The following PPM1L variants were observed in gnomAD, a reference collection of about 807,000 sequenced individuals.
The protein encoded by PPM1L is protein phosphatase 1L.
In PPM1L, 13 loss-of-function variants were observed where a neutral mutation model predicts 31.4. The ratio of observed to expected loss-of-function variants is 0.41; its 90% CI spans 0.27 to 0.66. The LOEUF is 0.66. Ranked by LOEUF, PPM1L falls within the 30% of genes least tolerant of loss-of-function variation. The pLI is 0.29. For missense variants in PPM1L, 326 were observed against 453.7 expected, an observed-to-expected ratio of 0.72 and a Z score of 2.56; for synonymous variants, 184 against 175.4, an observed-to-expected ratio of 1.05 and a Z score of -0.39.
At chr3:160,799,575 G>C (rs540174217) in intron 1 of PPM1L, among the ~76,000 whole-genome samples, 1 of 152,180 alleles carries the variant, frequency 6.6e-6, no homozygotes, top group Non-Finnish European at 1.5e-5. Context: ...AACCAAGTTT[G>C]TGTGACTCTC....
intron 3 of PPM1L, 150 bp from the exon 4 acceptor site, chr3:161,068,661 T>C: frequency 1.6e-6 from 1 of 630,094 alleles, no homozygotes; most frequent in Non-Finnish European, 2.8e-6. Flanking sequence ...CCCCAGGCCA[T>C]GCAGTGGGTC....
intron 1 of PPM1L, among the ~76,000 whole-genome samples, chr3:160,926,847 A>G (rs2108075974): frequency 6.6e-6 from 1 of 152,324 alleles, no homozygotes; most frequent in Middle Eastern, 3.4e-3. Context: ...TGCTTGGGTT[A>G]TTGGATATGT....
At chr3:160,844,230 A>G (rs6766368) in intron 1 of PPM1L, among the ~76,000 whole-genome samples, 11,979 of 152,246 alleles carry the variant, frequency 0.079, 854 homozygotes, top group African/African-American at 0.18. Context: ...CTCTGGTCTA[A>G]TACTTACAGT....
chr3:160,832,743 C>T (rs997393049), intron 1 of PPM1L, among the ~76,000 whole-genome samples: 5 of 152,022 alleles, frequency 3.3e-5, no homozygotes, highest in African/African-American at 9.7e-5. Context: ...TTACTTTTTA[C>T]CAGTATTTTA....
intron 2 of PPM1L, among the ~76,000 whole-genome samples, chr3:161,007,145 A>G (rs7627500): frequency 0.047 from 7,105 of 152,296 alleles, 420 homozygotes; most frequent in African/African-American, 0.12. Context: ...CCTACACTCA[A>G]CGACCTATAT....
intron 1 of PPM1L, among the ~76,000 whole-genome samples, chr3:160,773,044 C>A (rs1711500096): frequency 6.6e-6 from 1 of 152,136 alleles, no homozygotes; most frequent in South Asian, 2.1e-4. Flanking sequence ...CATATGCTTT[C>A]ATTTCTCTTG....
chr3:160,774,074 T>C (rs935070497), intron 1 of PPM1L, among the ~76,000 whole-genome samples: 2 of 152,204 alleles, frequency 1.3e-5, no homozygotes, highest in African/African-American at 2.4e-5. Flanking sequence ...ATGCTGACTT[T>C]ACTATTTTCT....
chr3:161,037,467 T>G (rs1718778339), intron 2 of PPM1L, among the ~76,000 whole-genome samples: 1 of 140,162 alleles, frequency 7.1e-6, no homozygotes, highest in South Asian at 2.2e-4. Flanking sequence ...CAGGCTAGAG[T>G]GCAATGGTAC....
chr3:160,817,248 G>T (rs559535535), intron 1 of PPM1L, among the ~76,000 whole-genome samples: 1 of 152,152 alleles, frequency 6.6e-6, no homozygotes, highest in Admixed American at 6.6e-5. Flanking sequence ...GTCAGACCAA[G>T]TAGTTTGAGG....
intron 1 of PPM1L, among the ~76,000 whole-genome samples, chr3:160,851,884 A>G (rs1711538071): frequency 6.6e-6 from 1 of 152,292 alleles, no homozygotes; most frequent in African/African-American, 2.4e-5. Flanking sequence ...TGTCTTTCAA[A>G]TATCAGGCCT....
chr3:161,005,200 C>T (rs1250524739), intron 2 of PPM1L, among the ~76,000 whole-genome samples: 2 of 152,102 alleles, frequency 1.3e-5, no homozygotes, highest in Non-Finnish European at 1.5e-5. Flanking sequence ...TGTTCAGTTT[C>T]CATGTAGTTG....
At chr3:160,885,278 A>G (rs936295070) in intron 1 of PPM1L, among the ~76,000 whole-genome samples, 1 of 152,048 alleles carries the variant, frequency 6.6e-6, no homozygotes, top group African/African-American at 2.4e-5. Flanking sequence ...GAAAAATATA[A>G]ATAGATTTAT....
chr3:160,982,041 C>T (rs1241344840), intron 2 of PPM1L, among the ~76,000 whole-genome samples: 1 of 152,180 alleles, frequency 6.6e-6, no homozygotes, highest in Non-Finnish European at 1.5e-5. Context: ...GCTGGGATTA[C>T]AGGCATAAGC....
intron 1 of PPM1L, among the ~76,000 whole-genome samples, chr3:160,791,319 C>T (rs1228902230): frequency 6.6e-6 from 1 of 152,124 alleles, no homozygotes; most frequent in Middle Eastern, 3.2e-3. Context: ...CTTTCCTAGT[C>T]TCTGTTTCTC....
At chr3:160,866,836 A>G (rs935496) in intron 1 of PPM1L, among the ~76,000 whole-genome samples, 133,841 of 152,226 alleles carry the variant, frequency 0.88, 59,221 homozygotes, top group African/African-American at 0.95. Flanking sequence ...TTCTTTCATT[A>G]CCATTTTATG....
intron 1 of PPM1L, among the ~76,000 whole-genome samples, chr3:160,868,815 C>A (rs1023175246): frequency 6.6e-6 from 1 of 151,562 alleles, no homozygotes; most frequent in Non-Finnish European, 1.5e-5. Context: ...CAGTTAATTT[C>A]TTCTTTTCCA....
chr3:160,903,490 A>C (rs1308487629), intron 1 of PPM1L, among the ~76,000 whole-genome samples: 1 of 152,200 alleles, frequency 6.6e-6, no homozygotes, highest in African/African-American at 2.4e-5. Flanking sequence ...TATTGATCAC[A>C]TTCTCAAAAT....
chr3:160,970,813 A>G (rs1158519785), intron 2 of PPM1L, among the ~76,000 whole-genome samples: 2 of 39,500 alleles, frequency 5.1e-5, no homozygotes, highest in Non-Finnish European at 1.4e-4. Flanking sequence ...TTTTTTTGAG[A>G]CGGAGTCTCG....
chr3:161,001,160 CTA>C (rs1403215244), intron 2 of PPM1L, among the ~76,000 whole-genome samples: 2 of 152,124 alleles, frequency 1.3e-5, no homozygotes, highest in Non-Finnish European at 2.9e-5. Flanking sequence ...AAATCACAAA[CTA>C]TTTAAATTTA....
Sources: gnomAD v4.1 joint callset for allele counts (sites outside exome capture counted in the v4.1 genomes callset) on GRCh38, gnomAD v4.1.1 for gene constraint, MANE v1.5 for transcripts, NCBI Gene and HGNC (gene_info 2026-07-23, HGNC 2026-07-21) for gene names.